The following ATG7 variants were observed in gnomAD, a reference collection of about 807,000 sequenced individuals.
The protein encoded by ATG7 is ubiquitin-like modifier-activating enzyme ATG7.
A neutral mutation model predicts 82.4 loss-of-function variants in ATG7; 70 were observed. That is an observed-to-expected ratio of 0.85 (90% confidence interval 0.70 to 1.04). ATG7 has a LOEUF of 1.04. ATG7 is among the 50% of genes least tolerant of loss of function. The probability of loss-of-function intolerance (pLI) is 0.00; values close to 1 mark genes in which losing one functional copy is unlikely to be tolerated. For synonymous variants in ATG7, 287 were observed against 313.0 expected (o/e 0.92, Z 0.88); for missense variants, 792 against 864.3 (o/e 0.92, Z 1.05).
At chr3:11,425,390 GA>G (rs1033549459) in intron 19 of ATG7, among the ~76,000 whole-genome samples, 1 of 151,942 alleles carries the variant, frequency 6.6e-6, no homozygotes, top group Non-Finnish European at 1.5e-5. Flanking sequence ...CTTCTGAAAA[GA>G]AAAAAAATCT....
At chr3:11,489,431 G>C (rs369155891) in intron 20 of ATG7, among the ~76,000 whole-genome samples, 1 of 151,708 alleles carries the variant, frequency 6.6e-6, no homozygotes, top group Non-Finnish European at 1.5e-5. Context: ...AAAAAAACCA[G>C]CTCCTGGATT....
chr3:11,329,461 C>T (rs1951333691), intron 9 of ATG7, among the ~76,000 whole-genome samples: 1 of 152,178 alleles, frequency 6.6e-6, no homozygotes, highest in South Asian at 2.1e-4. Context: ...TCTCTGCCAG[C>T]AATTTCCCTC....
chr3:11,473,477 T>G (rs2087773861), intron 20 of ATG7, among the ~76,000 whole-genome samples: 1 of 152,234 alleles, frequency 6.6e-6, no homozygotes. Context: ...TTGCCAAATG[T>G]TTTAGAACGG....
intron 20 of ATG7, among the ~76,000 whole-genome samples, chr3:11,485,115 C>T (rs1199027762): frequency 3.3e-5 from 5 of 152,196 alleles, no homozygotes; most frequent in Admixed American, 1.3e-4. Context: ...TGAGGAATCA[C>T]CACACTGACT....
the ATG7 span, among the ~76,000 whole-genome samples, chr3:11,568,382 C>A: frequency 6.6e-6 from 1 of 152,178 alleles, no homozygotes; most frequent in Non-Finnish European, 1.5e-5. The surrounding 1 kb of genome is among the most constrained non-coding windows in gnomAD (Gnocchi z 5.9). Flanking sequence ...AAGGACGGGG[C>A]AGCCCTGCAC....
At chr3:11,316,140 T>C (rs1485662792) in intron 9 of ATG7, among the ~76,000 whole-genome samples, 1 of 152,130 alleles carries the variant, frequency 6.6e-6, no homozygotes, top group East Asian at 1.9e-4. Context: ...CATATCACAC[T>C]CCTGGACACT....
chr3:11,542,503 CAA>C (rs1458185475), intron 20 of ATG7, among the ~76,000 whole-genome samples: 1 of 152,222 alleles, frequency 6.6e-6, no homozygotes, highest in East Asian at 1.9e-4. Flanking sequence ...GAGGGAAAAA[CAA>C]AAGACACCGG....
At chr3:11,298,979 T>A in intron 4 of ATG7, 124 bp downstream of exon 4, 1 of 1,066,606 alleles carries the variant, frequency 9.4e-7, no homozygotes, top group Non-Finnish European at 1.3e-6. Context: ...TTCACTAGTT[T>A]CTATTTTACT....
chr3:11,362,237 C>G (rs1384747810), intron 16 of ATG7, among the ~76,000 whole-genome samples: 1 of 152,022 alleles, frequency 6.6e-6, no homozygotes, highest in Non-Finnish European at 1.5e-5. Context: ...GTTGAACCAG[C>G]AAAGGCTTGT....
chr3:11,453,186 C>A (rs963470367), intron 20 of ATG7, among the ~76,000 whole-genome samples: 2 of 152,150 alleles, frequency 1.3e-5, no homozygotes, highest in African/African-American at 4.8e-5. Flanking sequence ...CTCTGGGTTC[C>A]CCAGGTGGAG....
chr3:11,380,390 T>G, intron 19 of ATG7, among the ~76,000 whole-genome samples: 1 of 152,198 alleles, frequency 6.6e-6, no homozygotes, highest in African/African-American at 2.4e-5. Flanking sequence ...ATAGAGCAAT[T>G]TTTTAAAGCG....
chr3:11,336,775 C>T lies in ATG7; in HGVS notation c.889+3682C>T, dbSNP rs545932015. 4.6e-5 allele frequency among the ~76,000 whole-genome samples: 7 copies of T among 152,250 alleles called. No homozygotes were observed. In the East Asian group the frequency reaches 1.4e-3, roughly 29 times the overall value. On this transcript the variant is annotated intron_variant, in intron 11 of 20. Transcript: ENST00000693202. ...GCAGCCTTGACCTCCCAGGCTCAAACCATCCCCCCAGCTTAGCTTCCCGAG... is the reference window on the plus strand; with the variant it reads ...GCAGCCTTGACCTCCCAGGCTCAAATCATCCCCCCAGCTTAGCTTCCCGAG...
At chr3:11,392,479 AC>A (rs369155509) in intron 19 of ATG7, among the ~76,000 whole-genome samples, 9 of 119,698 alleles carry the variant, frequency 7.5e-5, no homozygotes, top group East Asian at 2.7e-4. Flanking sequence ...AACAAAAAAA[AC>A]AAAACAAAAC....
intron 20 of ATG7, among the ~76,000 whole-genome samples, chr3:11,511,946 G>A (rs563206238): frequency 1.4e-4 from 21 of 152,188 alleles, no homozygotes; most frequent in South Asian, 8.3e-4. Context: ...TGCAAGCGCC[G>A]CATGCAGCCC....
At chr3:11,453,606 G>C (rs985257792) in intron 20 of ATG7, among the ~76,000 whole-genome samples, 3 of 152,128 alleles carry the variant, frequency 2.0e-5, no homozygotes, top group Non-Finnish European at 2.9e-5. Context: ...CTTCTATGTG[G>C]GGCGACATCA....
chr3:11,535,922 G>A (rs2070249025), intron 20 of ATG7, among the ~76,000 whole-genome samples: 2 of 152,338 alleles, frequency 1.3e-5, no homozygotes, highest in South Asian at 2.1e-4. Context: ...CTCCTTAGCA[G>A]AGAAAAGATG....
chr3:11,274,980 A>G (rs566139973), intron 1 of ATG7, among the ~76,000 whole-genome samples: 1 of 152,096 alleles, frequency 6.6e-6, no homozygotes, highest in Non-Finnish European at 1.5e-5. Context: ...TACACTGGAC[A>G]GAAAAAGACA....
chr3:11,449,557 A>G (rs2084908087), intron 20 of ATG7, among the ~76,000 whole-genome samples: 3 of 152,172 alleles, frequency 2.0e-5, no homozygotes, highest in East Asian at 1.9e-4. Context: ...GTTCCATACA[A>G]TGGAGTGATT....
intron 20 of ATG7, among the ~76,000 whole-genome samples, chr3:11,481,172 T>C (rs2088924206): frequency 6.6e-6 from 1 of 152,174 alleles, no homozygotes. Flanking sequence ...TGAGAACAAA[T>C]ATAGGAGTTA....
Sources: allele counts gnomAD v4.1 joint callset (sites outside exome capture counted in the v4.1 genomes callset), GRCh38; gene constraint gnomAD v4.1.1; non-coding constraint Gnocchi (gnomAD v3.1); transcripts MANE v1.5; gene names NCBI Gene and HGNC (gene_info 2026-07-23, HGNC 2026-07-21).